VWF: variants seen among roughly 807,000 people sequenced by gnomAD.
The protein encoded by VWF is Factor VIII related antigen.
In VWF, 176 loss-of-function variants were observed where a neutral mutation model predicts 308.6. That is an observed-to-expected ratio of 0.57 (90% CI 0.50 to 0.65). The LOEUF is 0.65. VWF is among the 30% of genes least tolerant of loss of function. The pLI is 0.00. For missense variants in VWF, 3,146 were observed against 3,648.2 expected, an observed-to-expected ratio of 0.86 and a Z score of 3.55; for synonymous variants, 1,385 against 1,443.4, an observed-to-expected ratio of 0.96 and a Z score of 0.92.
intron 40 of VWF, among the ~76,000 whole-genome samples, chr12:5,984,701 T>C (rs1943658111): frequency 6.6e-6 from 1 of 152,230 alleles, no homozygotes. Flanking sequence ...CAGTGTGTGG[T>C]CTTCTCTATA....
At chr12:6,091,285 G>A (rs1945031934) in intron 6 of VWF, among the ~76,000 whole-genome samples, 1 of 151,680 alleles carries the variant, frequency 6.6e-6, no homozygotes, top group Non-Finnish European at 1.5e-5. Flanking sequence ...ACCGTGATGG[G>A]GGGTGGGTGG....
intron 34 of VWF, among the ~76,000 whole-genome samples, chr12:6,002,036 A>T (rs1270524945): frequency 2.0e-5 from 3 of 152,172 alleles, no homozygotes; most frequent in Admixed American, 1.3e-4. Flanking sequence ...GAAAATAATG[A>T]TAATAAATAC....
At chr12:6,122,984 G>A (rs1268152133) in intron 2 of VWF, 158 bp downstream of exon 2, 1 of 882,060 alleles carries the variant, frequency 1.1e-6, no homozygotes, top group Non-Finnish European at 1.9e-6. Flanking sequence ...ACAAGTCAAG[G>A]GTGGGAACTC....
Position 6,018,577 on chromosome 12 carries a change from T to C in VWF, c.4841A>G (p.Asp1614Gly), listed in dbSNP as rs61750582. 1.2e-6 allele frequency: 2 copies of C among 1,613,898 alleles called. No individual in the cohort carries two copies. The highest frequency in any genetic ancestry group is 1.7e-6 in the Non-Finnish European group (2 of 1,179,868). The part of the protein sequence containing the change: ...VYMVTGNPAS[D>G]EIKRLPGDIQ... The stretch of plus-strand genomic sequence containing the variant: ...GTCTCCAGGCAGCCTCTTGATCTCA[T>C]CAGAGGCAGGATTTCCGGTGACCAT... Residue 1614 changes from aspartate to glycine, a missense_variant, in exon 28 of 52, where the codon GAT (aspartate) becomes GGT (glycine). By Grantham distance (94) the Asp-to-Gly change is moderately conservative. Coordinates refer to ENST00000261405, the MANE Select transcript of VWF (RefSeq NM_000552.5).
At position 6,016,229 on chromosome 12, in the gene VWF, T is replaced by A. The variant is rs1352828085; in HGVS notation, c.5315A>T (p.Asp1772Val). The A allele has an allele frequency of 1.9e-6, 3 of 1,614,032 alleles. No homozygotes were observed. The highest frequency in any genetic ancestry group is 1.3e-5 in the African/African-American group (1 of 74,904). Reference sequence around the variant, plus strand: ...GTATCGCACAGCAAAGCCCAAGGCATCCCCTGAGGATGGAGAACAGATCAC... The same window carrying A: ...GTATCGCACAGCAAAGCCCAAGGCAACCCCTGAGGATGGAGAACAGATCAC... ...QREGGPSQIGDALGFAVRYLT... is the reference protein window; with the variant it reads ...QREGGPSQIGVALGFAVRYLT... Residue 1772 changes from aspartate to valine, a missense_variant, in exon 31 of 52, where the codon GAT becomes GTT. Asp to Val is a radical substitution (Grantham distance 152). Coordinates refer to ENST00000261405, the MANE Select transcript of VWF (RefSeq NM_000552.5).
intron 34 of VWF, among the ~76,000 whole-genome samples, chr12:6,002,245 C>T (rs216804): frequency 6.6e-6 from 1 of 151,212 alleles, no homozygotes; most frequent in Non-Finnish European, 1.5e-5. Context: ...AGCAGAAATC[C>T]ATAAAGTAGA....
chr12:6,037,868 G>A (rs1944355198), intron 18 of VWF, among the ~76,000 whole-genome samples: 1 of 152,148 alleles, frequency 6.6e-6, no homozygotes, highest in Non-Finnish European at 1.5e-5. Flanking sequence ...GGCTTTCAAG[G>A]ACCCAGGCTA....
At chr12:5,982,366 C>G (rs572404721) in intron 41 of VWF, among the ~76,000 whole-genome samples, 4 of 152,284 alleles carry the variant, frequency 2.6e-5, no homozygotes, top group African/African-American at 9.6e-5. Context: ...AAGCACTGTT[C>G]TATGCCAGGA....
At chr12:6,121,078 C>T in intron 3 of VWF, 96 bp downstream of exon 3, 1 of 1,545,514 alleles carries the variant, frequency 6.5e-7, no homozygotes, top group Non-Finnish European at 8.9e-7. Context: ...CCTTTCCGCT[C>T]AGACACTGTC....
chr12:6,080,120 G>T (rs1023699938), intron 6 of VWF, among the ~76,000 whole-genome samples: 1 of 152,014 alleles, frequency 6.6e-6, no homozygotes, highest in African/African-American at 2.4e-5. Flanking sequence ...CCACTCTGCC[G>T]AGTTAGGTGT....
intron 42 of VWF, among the ~76,000 whole-genome samples, chr12:5,979,293 G>C (rs2136367147): frequency 6.6e-6 from 1 of 152,356 alleles, no homozygotes; most frequent in African/African-American, 2.4e-5. Flanking sequence ...CAATCAGTAT[G>C]ATAGAAGTAG....
intron 16 of VWF, among the ~76,000 whole-genome samples, chr12:6,047,437 G>A (rs1444589810): frequency 6.6e-6 from 1 of 152,156 alleles, no homozygotes; most frequent in African/African-American, 2.4e-5. Flanking sequence ...GAATGGTGAC[G>A]CCATCCATCT....
At chr12:5,977,589 G>C (rs1246887271) in intron 42 of VWF, among the ~76,000 whole-genome samples, 2 of 152,042 alleles carry the variant, frequency 1.3e-5, no homozygotes, top group East Asian at 3.8e-4. Context: ...AATTATAAAG[G>C]CTGGGCACGG....
At chr12:5,980,236 GA>G in intron 42 of VWF, among the ~76,000 whole-genome samples, 1 of 71,702 alleles carries the variant, frequency 1.4e-5, no homozygotes, top group Non-Finnish European at 3.0e-5. Flanking sequence ...GGGAGGGAGG[GA>G]GGGAAGGAAG....
intron 9 of VWF, 54 bp from the exon 10 acceptor site, chr12:6,071,397 G>T (rs1944779825): frequency 1.9e-6 from 3 of 1,600,070 alleles, no homozygotes; most frequent in Middle Eastern, 1.7e-4. Flanking sequence ...ACAAGGGTAT[G>T]CAAATGGATT....
rs77012644 is a variant in VWF at position 6,122,322 on chromosome 12, G to T, written c.55+820C>A. Among the ~76,000 whole-genome samples the T allele has an allele frequency of 2.7e-3, 407 of 152,172 alleles. 1 individual carries two copies. The highest frequency in any genetic ancestry group is 9.3e-3 in the African/African-American group (386 of 41,512). On this transcript the variant is annotated intron_variant, in intron 2 of 51. Transcript: ENST00000261405. ...GTACATAAATCTACTAGCATGTCTT[G>T]GGCATGTTAAATTTTAAACAGATCA...
chr12:6,107,671 T>TA lies in VWF; in HGVS notation c.532+2702_532+2703insT, dbSNP rs139129064. On this transcript the variant is annotated intron_variant, in intron 5 of 51. Coordinates refer to ENST00000261405, the MANE Select transcript of VWF (RefSeq NM_000552.5). The stretch of plus-strand genomic sequence containing the variant: ...AAGATTCAATATATATATATATATA[T>TA]TTTTTGAGACGGAGTCTCACTCTGT... Among the ~76,000 whole-genome samples the TA allele has an allele frequency of 2.7e-3, 401 of 150,968 alleles. 1 individual carries two copies. Among genetic ancestry groups the TA allele is most frequent in the African/African-American group, 9.6e-3 (393 of 41,008 alleles).
At position 6,057,090 on chromosome 12, in the gene VWF, C is replaced by A. The variant is rs374412712; in HGVS notation, c.1730-18G>T. The A allele has an allele frequency of 1.6e-5, 24 of 1,528,206 alleles. No individual in the cohort carries two copies. In the African/African-American group the frequency reaches 3.0e-4, roughly 19 times the overall value. 94.7% of individuals were successfully genotyped at this position (1,528,206 alleles called of 1,614,324 possible). A position where few individuals can be genotyped will look rare whatever the true frequency, so the allele number is the denominator to read the frequency against. ...GAACCTGGCTGTGGGGCGAGAGGAG[C>A]GAGCCTGGGATGTGGTGGGGAGGAG... On this transcript the variant is annotated intron_variant, in intron 14 of 51. Coordinates refer to ENST00000261405, the MANE Select transcript of VWF (RefSeq NM_000552.5).
At chr12:6,100,118 T>C (rs913874898) in intron 5 of VWF, among the ~76,000 whole-genome samples, 4 of 152,044 alleles carry the variant, frequency 2.6e-5, no homozygotes, top group African/African-American at 9.7e-5. Context: ...AAGACATTTA[T>C]GCAGCCAAAA....
Sources: gnomAD v4.1 joint callset for allele counts (sites outside exome capture counted in the v4.1 genomes callset) on GRCh38, gnomAD v4.1.1 for gene constraint, MANE v1.5 for transcripts, NCBI Gene and HGNC (gene_info 2026-07-23, HGNC 2026-07-21) for gene names.